The following CASK variants were observed in gnomAD, a reference collection of about 807,000 sequenced individuals.
CASK encodes the protein calcium/calmodulin dependent serine protein kinase, also known as peripheral plasma membrane protein CASK.
In CASK, 4 loss-of-function variants were observed where a neutral mutation model predicts 82.9. The ratio of observed to expected loss-of-function variants is 0.05; its 90% confidence interval spans 0.02 to 0.11. CASK has a LOEUF of 0.11. Ranked by LOEUF, CASK falls within the 10% of genes least tolerant of loss-of-function variation. CASK has a pLI of 1.00. For missense variants in CASK, 358 were observed against 720.9 expected (o/e 0.50, Z 5.76); for synonymous variants, 259 against 253.5 (o/e 1.02, Z -0.20).
intron 6 of CASK, 73 bp from the exon 7 acceptor site, chrX:41,665,525 G>T: frequency 2.6e-6 from 2 of 763,591 alleles, no homozygotes; most frequent in Non-Finnish European, 3.9e-6. Flanking sequence ...AAAAATAATA[G>T]AACAATAACA....
chrX:41,633,995 C>T (rs1048998663), intron 9 of CASK, among the ~76,000 whole-genome samples: 2 of 111,706 alleles, frequency 1.8e-5, no homozygotes, highest in Non-Finnish European at 3.8e-5. Context: ...CTCCTGAGCT[C>T]AAGCGATTTG....
chrX:41,634,387 G>T (rs751789362), intron 9 of CASK, among the ~76,000 whole-genome samples: 2 of 112,812 alleles, frequency 1.8e-5, no homozygotes, highest in East Asian at 5.6e-4. Context: ...TGACCCTGCT[G>T]ATGTTCCTAG....
chrX:41,699,743 A>G (rs939131682), intron 5 of CASK, among the ~76,000 whole-genome samples: 17 of 111,439 alleles, frequency 1.5e-4, no homozygotes, highest in African/African-American at 5.5e-4. Context: ...ACATTTTGAT[A>G]TAAATCAATC....
intron 25 of CASK, chrX:41,524,503 T>C (rs755803692): frequency 2.1e-4 from 32 of 149,712 alleles, no homozygotes; most frequent in Non-Finnish European, 3.5e-4. Flanking sequence ...ACTGTAACTG[T>C]GTGTTGCTCT....
At chrX:41,901,488 G>GAA (rs777860030) in intron 1 of CASK, among the ~76,000 whole-genome samples, 2 of 82,263 alleles carry the variant, frequency 2.4e-5, no homozygotes, top group Non-Finnish European at 4.9e-5. Flanking sequence ...CCCTGTCTCA[G>GAA]AAAAAAAAAA....
chrX:41,809,039 G>A, intron 2 of CASK, among the ~76,000 whole-genome samples: 1 of 112,428 alleles, frequency 8.9e-6, no homozygotes, highest in East Asian at 2.8e-4. Context: ...GCAAGGCTGG[G>A]GGAGGGGTGC....
At chrX:41,898,004 T>A (rs757567640) in intron 1 of CASK, among the ~76,000 whole-genome samples, 6 of 112,049 alleles carry the variant, frequency 5.4e-5, no homozygotes, top group African/African-American at 1.9e-4. Context: ...AGTTTGGAAG[T>A]ATTCCCTCTT....
chrX:41,772,932 C>T (rs1191234612), intron 3 of CASK, among the ~76,000 whole-genome samples: 3 of 111,324 alleles, frequency 2.7e-5, no homozygotes, highest in South Asian at 3.8e-4. Flanking sequence ...ACCCAGGAGG[C>T]GGAAGTTGCA....
rs533206995 is a variant in CASK, at chrX:41,634,647, T to A, written c.915+1931A>T. Among the ~76,000 whole-genome samples, 13 of 112,417 alleles carry A rather than the reference T, an allele frequency of 1.2e-4. No homozygotes were observed. The South Asian group carries it at 4.8e-3, about 41-fold the overall frequency. ...TTGGGCAATGAAAGGTTCAACCCCA[T>A]ACAGCGTAATGTCACATGAGGCCAA... On this transcript the variant is annotated intron_variant, in intron 9 of 26. Transcript: ENST00000378163.
intron 5 of CASK, among the ~76,000 whole-genome samples, chrX:41,723,196 C>G (rs1284906825): frequency 2.7e-5 from 3 of 112,205 alleles, no homozygotes; most frequent in Non-Finnish European, 5.6e-5. Flanking sequence ...CAAGGTACTT[C>G]TGTAAATTTT....
chrX:41,556,769 C>A (rs2065164439), intron 19 of CASK, among the ~76,000 whole-genome samples: 1 of 112,400 alleles, frequency 8.9e-6, no homozygotes. Context: ...GTCATACATA[C>A]AAATGGGGTG....
At chrX:41,744,208 A>T (rs1399609831) in intron 4 of CASK, among the ~76,000 whole-genome samples, 5 of 110,901 alleles carry the variant, frequency 4.5e-5, no homozygotes, top group African/African-American at 1.3e-4. Flanking sequence ...GGGATGCTGT[A>T]TTCCATGTAT....
At chrX:41,773,642 G>T (rs966266850) in intron 3 of CASK, among the ~76,000 whole-genome samples, 64 of 111,732 alleles carry the variant, frequency 5.7e-4, no homozygotes, top group African/African-American at 2.0e-3. Flanking sequence ...CCATCATAGA[G>T]TGTACTTACA....
At chrX:41,810,652 G>T (rs765363268) in intron 2 of CASK, among the ~76,000 whole-genome samples, 2 of 111,519 alleles carry the variant, frequency 1.8e-5, no homozygotes, top group African/African-American at 6.5e-5. Flanking sequence ...AAAGACCATC[G>T]ATGCTAGGAA....
intron 8 of CASK, among the ~76,000 whole-genome samples, chrX:41,649,704 G>A (rs1448232203): frequency 8.9e-6 from 1 of 111,924 alleles, no homozygotes; most frequent in Non-Finnish European, 1.9e-5. Context: ...GTGCAATGTG[G>A]TGCTGAGAAG....
At chrX:41,635,601 A>C (rs1286130713) in intron 9 of CASK, 2 of 111,154 alleles carry the variant, frequency 1.8e-5, no homozygotes, top group African/African-American at 6.5e-5. Flanking sequence ...ATTTTCTCTC[A>C]GTGCTGAAAA....
intron 2 of CASK, among the ~76,000 whole-genome samples, chrX:41,810,527 C>G (rs1228988462): frequency 3.6e-5 from 4 of 111,168 alleles, no homozygotes; most frequent in African/African-American, 1.3e-4. Context: ...TGCAGACAAG[C>G]AAATGCTGAG....
chrX:41,623,311 C>T (rs771576308), intron 10 of CASK, among the ~76,000 whole-genome samples: 37 of 112,296 alleles, frequency 3.3e-4, no homozygotes, highest in African/African-American at 1.1e-3. Flanking sequence ...TGTTTTACAT[C>T]GTAAACAATA....
At chrX:41,553,697 C>G in intron 21 of CASK, 22 bp downstream of exon 21, 1 of 1,139,598 alleles carries the variant, frequency 8.8e-7, no homozygotes. Context: ...CCAAGCAAAG[C>G]AAAACACGCA....
Sources: allele counts gnomAD v4.1 joint callset (sites outside exome capture counted in the v4.1 genomes callset), GRCh38; gene constraint gnomAD v4.1.1; transcripts MANE v1.5; gene names NCBI Gene and HGNC (gene_info 2026-07-23, HGNC 2026-07-21).